Variants in ZNF713 observed in about 807,000 individuals in gnomAD.
ZNF713 encodes zinc finger protein 713.
Under a neutral mutation model 28.7 loss-of-function variants are expected in ZNF713, and 21 were observed. That is an observed-to-expected ratio of 0.73 (90% CI 0.52 to 1.05). The LOEUF is 1.05. Ranked by LOEUF, ZNF713 falls within the 50% of genes least tolerant of loss-of-function variation. The pLI is 0.00. For missense variants in ZNF713, 458 were observed against 532.4 expected (o/e 0.86, Z 1.37); for synonymous variants, 167 against 178.0 (o/e 0.94, Z 0.49).
intron 6 of ZNF713, among the ~76,000 whole-genome samples, chr7:55,926,556 A>G (rs1786099577): frequency 6.6e-6 from 1 of 152,236 alleles, no homozygotes. Flanking sequence ...AGAGAATGAT[A>G]GAGCTTATGC....
chr7:55,929,669 C>T (rs377427076), intron 6 of ZNF713, among the ~76,000 whole-genome samples: 1 of 151,760 alleles, frequency 6.6e-6, no homozygotes, highest in African/African-American at 2.4e-5. Flanking sequence ...GCATGAGAAC[C>T]GCCTGAGCCT....
intron 6 of ZNF713, among the ~76,000 whole-genome samples, chr7:55,930,895 T>C (rs1212099471): frequency 6.6e-6 from 1 of 152,238 alleles, no homozygotes; most frequent in Non-Finnish European, 1.5e-5. Context: ...AAAAAACTTG[T>C]CAACCTTGCC....
At chr7:55,922,354 C>T (rs1584312350) in intron 4 of ZNF713, among the ~76,000 whole-genome samples, 1 of 150,616 alleles carries the variant, frequency 6.6e-6, no homozygotes, top group East Asian at 2.0e-4. Flanking sequence ...TCCTGGTCAA[C>T]CAACATGGTG....
intron 6 of ZNF713, 123 bp from the exon 7 acceptor site, chr7:55,938,859 T>C: frequency 1.0e-6 from 1 of 995,644 alleles, no homozygotes; most frequent in Non-Finnish European, 1.5e-6. Flanking sequence ...TTCAATGCCG[T>C]GTATGCCTTG....
chr7:55,918,210 C>T, intron 4 of ZNF713: 1 of 429,740 alleles, frequency 2.3e-6, no homozygotes, highest in Non-Finnish European at 4.7e-6. Flanking sequence ...ACCCAGACAG[C>T]CCATGGAGAA....
chr7:55,938,666 A>G (rs1786402556), intron 6 of ZNF713, among the ~76,000 whole-genome samples: 1 of 152,180 alleles, frequency 6.6e-6, no homozygotes. Context: ...GTCTCCCACC[A>G]CTGATCAGAG....
chr7:55,902,870 A>G (rs908908010), intron 1 of ZNF713, among the ~76,000 whole-genome samples: 6 of 151,892 alleles, frequency 4.0e-5, no homozygotes. Context: ...GTGGGTGCCT[A>G]TAATCCCAGC....
At chr7:55,900,849 C>G (rs1291328875) in intron 1 of ZNF713, among the ~76,000 whole-genome samples, 1 of 151,660 alleles carries the variant, frequency 6.6e-6, no homozygotes, top group Non-Finnish European at 1.5e-5. Flanking sequence ...TTCTTTTTTT[C>G]TTTTAGAGAT....
chr7:55,931,853 A>G (rs1786216212), intron 6 of ZNF713, among the ~76,000 whole-genome samples: 1 of 152,010 alleles, frequency 6.6e-6, no homozygotes, highest in South Asian at 2.1e-4. Flanking sequence ...AATGCCTTGA[A>G]CTCCAGACTC....
chr7:55,925,585 C>T (rs1177375290), intron 6 of ZNF713, among the ~76,000 whole-genome samples: 1 of 152,124 alleles, frequency 6.6e-6, no homozygotes, highest in Admixed American at 6.5e-5. Flanking sequence ...TGCACCACTG[C>T]ACTTCAGCCT....
chr7:55,930,665 T>C (rs1786192613), intron 6 of ZNF713, among the ~76,000 whole-genome samples: 1 of 151,670 alleles, frequency 6.6e-6, no homozygotes, highest in African/African-American at 2.4e-5. Context: ...AGGCTGAGTG[T>C]TGAGCCAAGA....
rs1206192493 is a variant in ZNF713 at position 55,940,752 on chromosome 7, A to T, written c.*746A>T. 6.1e-6 allele frequency: 1 copy of T among 165,142 alleles called. No homozygotes were observed. Among genetic ancestry groups the T allele is most frequent in the Non-Finnish European group, 1.2e-5 (1 of 80,852 alleles). The allele number at this position is 165,142 out of a possible 1,614,324, so 10.2% of individuals were successfully genotyped here. On this transcript the variant is annotated 3_prime_UTR_variant, in exon 7 of 7. Transcript: ENST00000429591. ...CAAGACTCTGTCTCAAAAAAAAAAA[A>T]GAAAGAAAGCCTATAGGCAACAACT...
chr7:55,888,280 T>G (rs1261891751), intron 1 of ZNF713, among the ~76,000 whole-genome samples: 1 of 152,250 alleles, frequency 6.6e-6, no homozygotes, highest in African/African-American at 2.4e-5. Context: ...TACCTTTTTC[T>G]CTCATTGCCT....
intron 1 of ZNF713, among the ~76,000 whole-genome samples, chr7:55,895,676 C>T (rs1392931303): frequency 1.3e-5 from 2 of 151,982 alleles, no homozygotes; most frequent in African/African-American, 4.8e-5. Flanking sequence ...CCATGTTAGT[C>T]AGGCTGGTCT....
rs1435432414 is a variant in ZNF713 at position 55,939,171 on chromosome 7, A to C, written c.497A>C (p.Gln166Pro). The change falls in exon 7 of 7, where the codon CAA (glutamine) becomes CCA (proline). Residue 166 changes from glutamine to proline, a missense_variant. Gln to Pro is a moderately conservative substitution (Grantham distance 76). Coordinates refer to ENST00000429591, the MANE Select transcript of ZNF713 (RefSeq NM_182633.3). ...NQENHKRYLGQVTLTHKKITQ... is the reference protein window; with the variant it reads ...NQENHKRYLGPVTLTHKKITQ... ...GAAAACCACAAGAGATATTTAGGAC[A>C]AGTAACTTTGACCCACAAAAAGATC... 6.2e-7 allele frequency: 1 copy of C among 1,613,976 alleles called. No homozygotes were observed. Among genetic ancestry groups the C allele is most frequent in the Admixed American group, 1.7e-5 (1 of 59,994 alleles).
intron 6 of ZNF713, among the ~76,000 whole-genome samples, chr7:55,931,948 G>C (rs539458726): frequency 6.6e-6 from 1 of 152,192 alleles, no homozygotes. Flanking sequence ...GCTAAGAGAC[G>C]TGAGAGGCAG....
intron 4 of ZNF713, among the ~76,000 whole-genome samples, chr7:55,914,361 TG>T (rs1214348741): frequency 2.0e-5 from 3 of 152,074 alleles, no homozygotes; most frequent in East Asian, 1.9e-4. Flanking sequence ...TTTTTTGGTT[TG>T]TTTTTTGTTT....
At chr7:55,898,432 A>G (rs1017279173) in intron 1 of ZNF713, among the ~76,000 whole-genome samples, 1 of 152,238 alleles carries the variant, frequency 6.6e-6, no homozygotes, top group Non-Finnish European at 1.5e-5. Context: ...ATTCCTGTAC[A>G]GGCTGTACAG....
intron 1 of ZNF713, among the ~76,000 whole-genome samples, chr7:55,896,748 A>G (rs1014852184): frequency 2.6e-5 from 4 of 152,078 alleles, no homozygotes; most frequent in African/African-American, 9.7e-5. Flanking sequence ...CAATAAGCAT[A>G]CCTAGCACCC....
Sources: gnomAD v4.1 joint callset for allele counts (sites outside exome capture counted in the v4.1 genomes callset) on GRCh38, gnomAD v4.1.1 for gene constraint, MANE v1.5 for transcripts, NCBI Gene and HGNC (gene_info 2026-07-23, HGNC 2026-07-21) for gene names.